Variants in DSCAM observed in about 807,000 individuals in gnomAD.
The protein encoded by DSCAM is DS cell adhesion molecule, also known as cell adhesion molecule DSCAM.
DSCAM carries 47 observed loss-of-function variants against 217.7 expected under a neutral mutation model. The observed-to-expected ratio is 0.22, with a 90% CI of 0.17 to 0.28. DSCAM has a LOEUF of 0.28. DSCAM is among the 10% of genes least tolerant of loss of function. The probability of loss-of-function intolerance (pLI) is 1.00; values close to 1 mark genes in which losing one functional copy is unlikely to be tolerated. For missense variants in DSCAM, 2,080 were observed against 2,618.3 expected (o/e 0.79, Z 4.49); for synonymous variants, 1,056 against 1,015.3 (o/e 1.04, Z -0.76).
rs559639592 is a variant in DSCAM at position 40,108,834 on chromosome 21, GA to G, written c.3697-14961del. Among the ~76,000 whole-genome samples the G allele has an allele frequency of 7.2e-5, 11 of 152,178 alleles. No homozygotes were observed. The East Asian group carries it at 2.1e-3, about 29-fold the overall frequency. On this transcript the variant is annotated intron_variant, in intron 20 of 32. Coordinates refer to ENST00000400454, the MANE Select transcript of DSCAM (RefSeq NM_001389.5). ...CCAATGGAACAGAATAAAGAACCCA[GA>G]AATAAGACTGCACATCTACAACTAT...
intron 3 of DSCAM, among the ~76,000 whole-genome samples, chr21:40,669,862 C>T (rs901791646): frequency 1.3e-5 from 2 of 152,042 alleles, no homozygotes; most frequent in African/African-American, 2.4e-5. Context: ...TGAGCTACTG[C>T]GCCCGACCAT....
intron 16 of DSCAM, among the ~76,000 whole-genome samples, chr21:40,152,256 G>A (rs764813436): frequency 1.3e-5 from 2 of 152,204 alleles, no homozygotes; most frequent in East Asian, 1.9e-4. Flanking sequence ...CCTTGAGGAC[G>A]TATTTACAAA....
rs144381591 is a variant in DSCAM, at chr21:40,463,566, T to C, written c.509-94321A>G. Among the ~76,000 whole-genome samples, 58 of 152,322 alleles carry C rather than the reference T, an allele frequency of 3.8e-4. 2 individuals are homozygous for C. In the East Asian group the frequency reaches 9.8e-3, roughly 26 times the overall value. On this transcript the variant is annotated intron_variant, in intron 3 of 32. Coordinates refer to ENST00000400454, the MANE Select transcript of DSCAM (RefSeq NM_001389.5). Reference sequence around the variant, plus strand: ...TTAACTGAAACTTGGGCATCCTCTGTAGACCCAATCTCACCCCATCCTTTG... The same window carrying C: ...TTAACTGAAACTTGGGCATCCTCTGCAGACCCAATCTCACCCCATCCTTTG...
At chr21:40,465,596 C>T (rs1449652761) in intron 3 of DSCAM, among the ~76,000 whole-genome samples, 4 of 152,218 alleles carry the variant, frequency 2.6e-5, no homozygotes, top group South Asian at 2.1e-4. Context: ...CGGCCCAGGA[C>T]GGCTTTGAAT....
intron 3 of DSCAM, among the ~76,000 whole-genome samples, chr21:40,474,191 G>A (rs565829710): frequency 6.6e-6 from 1 of 152,254 alleles, no homozygotes; most frequent in African/African-American, 2.4e-5. Context: ...TACTTGGGAG[G>A]CTGAGGCAGG....
chr21:40,749,408 C>A (rs2036345648), intron 1 of DSCAM, among the ~76,000 whole-genome samples: 1 of 151,980 alleles, frequency 6.6e-6, no homozygotes, highest in African/African-American at 2.4e-5. Context: ...TAAAAATGGA[C>A]AAAAGATCTG....
intron 3 of DSCAM, among the ~76,000 whole-genome samples, chr21:40,674,226 C>T (rs1220973465): frequency 2.0e-5 from 3 of 152,190 alleles, no homozygotes; most frequent in African/African-American, 7.2e-5. Context: ...AGATGATTCA[C>T]TAGTCTTAAA....
chr21:40,829,460 G>C (rs1482328531), intron 1 of DSCAM, among the ~76,000 whole-genome samples: 1 of 152,206 alleles, frequency 6.6e-6, no homozygotes, highest in Non-Finnish European at 1.5e-5. Context: ...TGTGCAGCGA[G>C]AGCTCCTTGG....
chr21:40,692,467 T>C (rs1009356678), intron 3 of DSCAM, among the ~76,000 whole-genome samples: 3 of 152,176 alleles, frequency 2.0e-5, no homozygotes, highest in Non-Finnish European at 4.4e-5. Context: ...GTCAGCTATA[T>C]ATGCAATGCT....
intron 1 of DSCAM, among the ~76,000 whole-genome samples, chr21:40,814,543 G>C (rs1293926885): frequency 6.6e-6 from 1 of 152,210 alleles, no homozygotes; most frequent in Non-Finnish European, 1.5e-5. Flanking sequence ...GATTGATGAG[G>C]AAGGGAGCTG....
At chr21:40,703,893 A>ATTT (rs540291695) in intron 2 of DSCAM, among the ~76,000 whole-genome samples, 1 of 151,272 alleles carries the variant, frequency 6.6e-6, no homozygotes, top group Non-Finnish European at 1.5e-5. Context: ...ATAAAGCTTG[A>ATTT]TTTTTTTTTA....
intron 3 of DSCAM, among the ~76,000 whole-genome samples, chr21:40,486,180 T>C (rs1007436738): frequency 4.6e-5 from 7 of 152,302 alleles, no homozygotes; most frequent in Admixed American, 2.0e-4. Context: ...CTAGTGAATA[T>C]ACAGTAACAC....
At chr21:40,206,503 G>T (rs886798310) in intron 11 of DSCAM, among the ~76,000 whole-genome samples, 2 of 152,046 alleles carry the variant, frequency 1.3e-5, no homozygotes, top group African/African-American at 4.8e-5. Context: ...GGTGGAGGAG[G>T]GCACACATTG....
chr21:40,761,909 C>G (rs2091339107), intron 1 of DSCAM, among the ~76,000 whole-genome samples: 1 of 152,030 alleles, frequency 6.6e-6, no homozygotes, highest in Non-Finnish European at 1.5e-5. Context: ...TCTTTGAAAC[C>G]CATGAGAACA....
At chr21:40,176,859 T>C (rs2090738729) in intron 15 of DSCAM, among the ~76,000 whole-genome samples, 3 of 152,224 alleles carry the variant, frequency 2.0e-5, no homozygotes, top group South Asian at 2.1e-4. Context: ...GCTCTTCACC[T>C]GGCCTTCTGG....
chr21:40,559,786 C>CTTTTT (rs548599799), intron 3 of DSCAM, among the ~76,000 whole-genome samples: 72 of 109,404 alleles, frequency 6.6e-4, no homozygotes, highest in African/African-American at 8.4e-4. Context: ...AATTTTCTGT[C>CTTTTT]TTTTTTTTTT....
intron 15 of DSCAM, 42 bp downstream of exon 15, chr21:40,178,885 C>T (rs779006105): frequency 2.5e-5 from 41 of 1,610,930 alleles, no homozygotes; most frequent in Middle Eastern, 2.2e-4. Context: ...AGAGTTAGCT[C>T]CCGGGCTCCT....
chr21:40,346,175 A>G (rs2074555434), intron 6 of DSCAM, among the ~76,000 whole-genome samples: 1 of 152,260 alleles, frequency 6.6e-6, no homozygotes, highest in South Asian at 2.1e-4. Context: ...AGAGTGCATC[A>G]TCATTAGCAA....
chr21:40,412,415 T>C (rs1386162169), intron 3 of DSCAM, among the ~76,000 whole-genome samples: 2 of 152,172 alleles, frequency 1.3e-5, no homozygotes, highest in Non-Finnish European at 1.5e-5. Flanking sequence ...AAAATGCTGA[T>C]AATTATATGG....
Sources: allele counts gnomAD v4.1 joint callset (sites outside exome capture counted in the v4.1 genomes callset), GRCh38; gene constraint gnomAD v4.1.1; transcripts MANE v1.5; gene names NCBI Gene and HGNC (gene_info 2026-07-23, HGNC 2026-07-21).